MTDH: variants seen among roughly 807,000 people sequenced by gnomAD.
MTDH encodes the protein protein LYRIC.
A neutral mutation model predicts 72.7 loss-of-function variants in MTDH; 34 were observed. The ratio of observed to expected loss-of-function variants is 0.47; its 90% confidence interval spans 0.36 to 0.62. The LOEUF is 0.62. Among genes scored for constraint, MTDH ranks in the 20% least tolerant of loss-of-function variants. The pLI, the probability that MTDH is intolerant of heterozygous loss-of-function variation, is 0.00. For synonymous variants in MTDH, 266 were observed against 268.9 expected (o/e 0.99, Z 0.10); for missense variants, 677 against 699.4 (o/e 0.97, Z 0.36).
chr8:97,654,927 C>T (rs1811909301), intron 1 of MTDH, among the ~76,000 whole-genome samples: 1 of 151,916 alleles, frequency 6.6e-6, no homozygotes, highest in Non-Finnish European at 1.5e-5. Flanking sequence ...TGGCAAAACC[C>T]TGTCTCTACA....
chr8:97,663,764 A>AG (rs1812268855), intron 2 of MTDH, among the ~76,000 whole-genome samples: 1 of 147,098 alleles, frequency 6.8e-6, no homozygotes, highest in African/African-American at 2.5e-5. Context: ...AAAAAAAAAA[A>AG]AAAAGACTTT....
chr8:97,676,461 C>A (rs979179755), intron 2 of MTDH, among the ~76,000 whole-genome samples: 1 of 152,186 alleles, frequency 6.6e-6, no homozygotes, highest in Non-Finnish European at 1.5e-5. Context: ...AATTCTCTGT[C>A]AAAATCTGCT....
chr8:97,646,206 A>G (rs1012396798), intron 1 of MTDH, among the ~76,000 whole-genome samples: 1 of 152,186 alleles, frequency 6.6e-6, no homozygotes, highest in Non-Finnish European at 1.5e-5. Flanking sequence ...TCTAGATTAG[A>G]GATGTGACAG....
intron 4 of MTDH, among the ~76,000 whole-genome samples, chr8:97,688,435 T>C (rs1336070097): frequency 2.0e-5 from 3 of 152,260 alleles, no homozygotes; most frequent in African/African-American, 7.2e-5. Flanking sequence ...ATATTAGCTA[T>C]GCTTTAGTAT....
intron 2 of MTDH, among the ~76,000 whole-genome samples, chr8:97,673,124 C>T (rs1370303036): frequency 6.6e-6 from 1 of 152,086 alleles, no homozygotes; most frequent in Non-Finnish European, 1.5e-5. Flanking sequence ...ATTAGAAATA[C>T]AACAGTTGAT....
At position 97,687,525 on chromosome 8, in the gene MTDH, C is replaced by T. The variant is rs200350363; in HGVS notation, c.665C>T (p.Pro222Leu). The T allele has an allele frequency of 3.1e-6, 5 of 1,613,528 alleles. No individual in the cohort carries two copies. The highest frequency in any genetic ancestry group is 4.2e-6 in the Non-Finnish European group (5 of 1,179,720). ...TDSGSLDSTI[P>L]GIENTITVTT... ...TCTGGTTCATTGGATTCAACTATCC[C>T]TGGGATAGAAAATACCATCACAGTT... Residue 222 changes from proline (P) to leucine (L), a missense_variant, in exon 4 of 12, where the codon CCT becomes CTT. Transcript: ENST00000336273.
intron 2 of MTDH, among the ~76,000 whole-genome samples, chr8:97,684,415 A>G (rs1232139056): frequency 4.6e-5 from 7 of 151,568 alleles, no homozygotes; most frequent in Admixed American, 4.6e-4. Flanking sequence ...GACCAAGGAT[A>G]GCAAACTCTG....
chr8:97,665,072 T>C (rs2130942279), intron 2 of MTDH, among the ~76,000 whole-genome samples: 1 of 152,240 alleles, frequency 6.6e-6, no homozygotes, highest in East Asian at 1.9e-4. Flanking sequence ...TGCCTTTCCT[T>C]ATAAAGAAAT....
intron 6 of MTDH, among the ~76,000 whole-genome samples, chr8:97,698,156 C>T (rs1274220674): frequency 2.6e-5 from 4 of 152,130 alleles, no homozygotes; most frequent in African/African-American, 9.7e-5. Flanking sequence ...CGTGGGAGGA[C>T]GTGATTGTAT....
At chr8:97,673,675 AG>A (rs995119815) in intron 2 of MTDH, among the ~76,000 whole-genome samples, 1 of 131,464 alleles carries the variant, frequency 7.6e-6, no homozygotes, top group Non-Finnish European at 1.6e-5. Context: ...GGGGCGGGGA[AG>A]GGGGGGCACA....
chr8:97,709,569 C>T (rs1397661366), intron 8 of MTDH, among the ~76,000 whole-genome samples: 3 of 152,130 alleles, frequency 2.0e-5, no homozygotes, highest in African/African-American at 7.2e-5. Context: ...TATACAATGG[C>T]ATATTAGAAG....
chr8:97,663,639 C>A (rs2130938780), intron 2 of MTDH, among the ~76,000 whole-genome samples: 1 of 151,096 alleles, frequency 6.6e-6, no homozygotes, highest in African/African-American at 2.4e-5. Context: ...GTCCCAGCTA[C>A]TAGGGAGGCT....
chr8:97,683,788 C>T (rs1213854723), intron 2 of MTDH, among the ~76,000 whole-genome samples: 2 of 152,126 alleles, frequency 1.3e-5, no homozygotes, highest in Non-Finnish European at 2.9e-5. Flanking sequence ...ATAGTGGCCA[C>T]TTGCCACGTG....
At position 97,644,210 on chromosome 8, in the gene MTDH, G is replaced by T; in HGVS notation, c.-297G>T. 2.3e-6 allele frequency: 1 copy of T among 438,118 alleles called. No individual in the cohort carries two copies. Among genetic ancestry groups the T allele is most frequent in the Non-Finnish European group, 4.0e-6 (1 of 248,710 alleles). 27.1% of individuals were successfully genotyped at this position (438,118 alleles called of 1,614,324 possible). On this transcript the variant is annotated 5_prime_UTR_variant, in exon 1 of 12. Coordinates refer to ENST00000336273, the MANE Select transcript of MTDH (RefSeq NM_178812.4). ...AGCCGCCATTGTTCCGCCGAGGGAG[G>T]ACAGCGGGGCCTGGCGCTGGCGCCG...
intron 2 of MTDH, among the ~76,000 whole-genome samples, chr8:97,662,726 C>T (rs1348695996): frequency 6.6e-6 from 1 of 150,940 alleles, no homozygotes; most frequent in Non-Finnish European, 1.5e-5. Flanking sequence ...ACAGAGGTTG[C>T]AGTAAGCAGG....
chr8:97,655,646 G>T (rs962582907), intron 1 of MTDH, among the ~76,000 whole-genome samples: 9 of 152,174 alleles, frequency 5.9e-5, no homozygotes, highest in African/African-American at 2.2e-4. Flanking sequence ...GGCCATCATA[G>T]CTTTGGAGAG....
intron 2 of MTDH, among the ~76,000 whole-genome samples, chr8:97,673,273 C>T (rs1812705326): frequency 6.6e-6 from 1 of 152,120 alleles, no homozygotes; most frequent in Non-Finnish European, 1.5e-5. Context: ...GTAATCCCAG[C>T]ACTTCAGGAG....
intron 6 of MTDH, 150 bp from the exon 7 acceptor site, chr8:97,699,604 T>C: frequency 1.8e-6 from 1 of 544,478 alleles, no homozygotes; most frequent in Non-Finnish European, 3.3e-6. Flanking sequence ...TACTTTTCCT[T>C]TTAACTTAAT....
Position 97,647,512 on chromosome 8 carries a change from A to G in MTDH, c.381+2625A>G, listed in dbSNP as rs558079606. On this transcript the variant is annotated intron_variant, in intron 1 of 11. Coordinates refer to ENST00000336273, the MANE Select transcript of MTDH (RefSeq NM_178812.4). ...AGGAGGTGGAGGCTGCAGTGAGCCA[A>G]TTCGAGGCCCTGTCTAAAAAAAGGG... Among the ~76,000 whole-genome samples, 4 of 152,212 alleles carry G rather than the reference A, an allele frequency of 2.6e-5. No individual in the cohort carries two copies. In the South Asian group the frequency reaches 6.2e-4, roughly 24 times the overall value.
Sources: gnomAD v4.1 joint callset for allele counts (sites outside exome capture counted in the v4.1 genomes callset) on GRCh38, gnomAD v4.1.1 for gene constraint, MANE v1.5 for transcripts, NCBI Gene and HGNC (gene_info 2026-07-23, HGNC 2026-07-21) for gene names.